Variants in SLC44A1 observed in about 807,000 individuals in gnomAD.
SLC44A1 encodes the protein choline transporter-like protein 1.
In SLC44A1, 26 loss-of-function variants were observed where a neutral mutation model predicts 79.3. The observed-to-expected ratio is 0.33, with a 90% CI of 0.24 to 0.46. SLC44A1 has a LOEUF of 0.46. SLC44A1 is among the 20% of genes least tolerant of loss of function. The pLI is 1.00. For synonymous variants in SLC44A1, 263 were observed against 286.2 expected (o/e 0.92, Z 0.82); for missense variants, 688 against 798.1 (o/e 0.86, Z 1.66).
intron 15 of SLC44A1, among the ~76,000 whole-genome samples, chr9:105,426,530 G>A (rs1281404728): frequency 6.6e-6 from 1 of 152,008 alleles, no homozygotes; most frequent in Non-Finnish European, 1.5e-5. Flanking sequence ...GCTATTTCTT[G>A]AGCAGCTTTT....
intron 15 of SLC44A1, among the ~76,000 whole-genome samples, chr9:105,433,864 T>C (rs1341274463): frequency 2.0e-5 from 3 of 152,222 alleles, no homozygotes; most frequent in Non-Finnish European, 4.4e-5. Context: ...CAATTAATTT[T>C]AGTGCTGCTT....
At chr9:105,249,096 G>A (rs900208350) in intron 1 of SLC44A1, among the ~76,000 whole-genome samples, 1 of 152,152 alleles carries the variant, frequency 6.6e-6, no homozygotes, top group African/African-American at 2.4e-5. Context: ...TTTGTCCACT[G>A]TCTCATCCCA....
intron 12 of SLC44A1, among the ~76,000 whole-genome samples, chr9:105,369,948 T>G (rs1248393862): frequency 6.6e-6 from 1 of 152,236 alleles, no homozygotes; most frequent in Non-Finnish European, 1.5e-5. Context: ...TTAAAAAGAT[T>G]CCTGGATGGT....
chr9:105,399,144 C>A (rs1293598562), downstream of SLC44A1, among the ~76,000 whole-genome samples: 2 of 152,070 alleles, frequency 1.3e-5, no homozygotes, highest in Admixed American at 6.5e-5. Flanking sequence ...ATTTACTGTC[C>A]CAATTCCAAG....
At chr9:105,301,457 T>C (rs910413738) in intron 2 of SLC44A1, among the ~76,000 whole-genome samples, 2 of 152,264 alleles carry the variant, frequency 1.3e-5, no homozygotes, top group Middle Eastern at 3.2e-3. Context: ...TAACATCGTA[T>C]TTTGCCATGT....
intron 3 of SLC44A1, among the ~76,000 whole-genome samples, chr9:105,312,986 C>A (rs1831222061): frequency 6.6e-6 from 1 of 152,292 alleles, no homozygotes; most frequent in African/African-American, 2.4e-5. Flanking sequence ...CAGCCCTGCC[C>A]TTCCAGGACT....
chr9:105,325,292 A>G (rs1162249910), intron 3 of SLC44A1, among the ~76,000 whole-genome samples: 2 of 152,266 alleles, frequency 1.3e-5, no homozygotes, highest in Non-Finnish European at 1.5e-5. Context: ...TATAGAATAG[A>G]CAAATGTATA....
In SLC44A1 at chr9:105,291,185, C is replaced by G. The variant is rs540848814; in HGVS notation, c.37-8035C>G. Among the ~76,000 whole-genome samples the G allele has an allele frequency of 4.6e-5, 7 of 152,310 alleles. No homozygotes were observed. The South Asian group carries it at 6.2e-4, about 14-fold the overall frequency. On this transcript the variant is annotated intron_variant, in intron 1 of 15. Transcript: ENST00000374720. ...CTGTGGCAAAAATGATATACATCAG[C>G]TCTTTTATTTTTTTGTTACCACTCT...
At position 105,385,372 on chromosome 9, in the gene SLC44A1, C is replaced by T. The variant is rs558815475; in HGVS notation, c.1870-50C>T. ...ATGTTCTTTAGAATTCATCTACTAA[C>T]AAATCTGAAAGGACCCAAGAATTTA... is the stretch of plus-strand genomic sequence containing the variant. On this transcript the variant is annotated intron_variant, in intron 14 of 15. Coordinates refer to ENST00000374720, the MANE Select transcript of SLC44A1 (RefSeq NM_080546.5). 4 of 1,338,390 alleles carry T rather than the reference C, an allele frequency of 3.0e-6. No homozygotes were observed. In the East Asian group the frequency reaches 9.8e-5, roughly 33 times the overall value. The allele number at this position is 1,338,390 out of a possible 1,614,324, so 82.9% of individuals were successfully genotyped here.
intron 13 of SLC44A1, among the ~76,000 whole-genome samples, chr9:105,381,203 G>A (rs892267675): frequency 1.3e-5 from 2 of 152,014 alleles, no homozygotes; most frequent in Non-Finnish European, 2.9e-5. Context: ...GGAGAGTATA[G>A]GAAATAACTC....
intron 4 of SLC44A1, among the ~76,000 whole-genome samples, chr9:105,342,974 C>T (rs532383318): frequency 8.8e-5 from 12 of 136,106 alleles, no homozygotes; most frequent in Non-Finnish European, 1.5e-4. Context: ...ATCCTTGTCT[C>T]TAAAAAAAAA....
chr9:105,361,493 G>C (rs1035866616), intron 8 of SLC44A1, among the ~76,000 whole-genome samples, 163 bp downstream of exon 8: 4 of 152,144 alleles, frequency 2.6e-5, no homozygotes, highest in African/African-American at 9.7e-5. Flanking sequence ...TCTCTTGAAG[G>C]CTTCCCTCAT....
chr9:105,342,699 G>A (rs9632901), intron 4 of SLC44A1, among the ~76,000 whole-genome samples: 15,094 of 152,124 alleles, frequency 0.099, 1,911 homozygotes, highest in African/African-American at 0.3. Context: ...CATCTGAATT[G>A]GAATAGAAAC....
chr9:105,262,616 C>T (rs1829867478), intron 1 of SLC44A1, among the ~76,000 whole-genome samples: 1 of 152,134 alleles, frequency 6.6e-6, no homozygotes, highest in Non-Finnish European at 1.5e-5. Flanking sequence ...ATGACTTAGT[C>T]ATGTATCTCT....
At chr9:105,409,483 G>A (rs1356260519) in intron 15 of SLC44A1, among the ~76,000 whole-genome samples, 2 of 152,136 alleles carry the variant, frequency 1.3e-5, no homozygotes, top group East Asian at 1.9e-4. Flanking sequence ...CTAGGTGTTC[G>A]AGACCAGCCT....
At chr9:105,386,028 G>A (rs1172557847) in intron 15 of SLC44A1, 1 of 985,136 alleles carries the variant, frequency 1.0e-6, no homozygotes. Context: ...TGTTTCTTAA[G>A]CTATTTTTCA....
intron 4 of SLC44A1, among the ~76,000 whole-genome samples, chr9:105,347,729 A>G (rs542842734): frequency 2.9e-4 from 44 of 152,212 alleles, no homozygotes; most frequent in African/African-American, 1.0e-3. Context: ...AAAACTAGGA[A>G]TCACTTTTAT....
At chr9:105,365,417 C>T in intron 10 of SLC44A1, 66 bp from the exon 11 acceptor site, 1 of 1,307,588 alleles carries the variant, frequency 7.6e-7, no homozygotes, top group Non-Finnish European at 1.1e-6. Context: ...GACTCTAAAC[C>T]ATACCTGTGT....
intron 1 of SLC44A1, among the ~76,000 whole-genome samples, chr9:105,254,607 C>T (rs1274678004): frequency 1.3e-5 from 2 of 152,104 alleles, no homozygotes; most frequent in African/African-American, 4.8e-5. Context: ...TACTTATAGC[C>T]CCATTATGAA....
Sources: gnomAD v4.1 joint callset for allele counts (sites outside exome capture counted in the v4.1 genomes callset) on GRCh38, gnomAD v4.1.1 for gene constraint, MANE v1.5 for transcripts, NCBI Gene and HGNC (gene_info 2026-07-23, HGNC 2026-07-21) for gene names.